The following ACO1 variants were observed in gnomAD, a reference collection of about 807,000 sequenced individuals.
ACO1 encodes aconitase 1, also known as cytoplasmic aconitate hydratase.
A neutral mutation model predicts 105.1 loss-of-function variants in ACO1; 78 were observed. The ratio of observed to expected loss-of-function variants is 0.74; its 90% CI spans 0.62 to 0.90. The LOEUF (loss-of-function observed/expected upper bound fraction) is 0.90, where lower values mean the gene tolerates loss of function less well. ACO1 is among the 40% of genes least tolerant of loss of function. ACO1 has a pLI of 0.00. For missense variants in ACO1, 965 were observed against 1,111.1 expected (o/e 0.87, Z 1.87); for synonymous variants, 364 against 397.4 (o/e 0.92, Z 1.00).
In ACO1 at chr9:32,388,360, C is replaced by G. The variant is rs1211346110; in HGVS notation, c.-23+3625C>G. ...CCTGGGCAACATGACAAAACCCCATCTCTACCAAAAATACAGAAAAAAATT... is the reference window on the plus strand; with the variant it reads ...CCTGGGCAACATGACAAAACCCCATGTCTACCAAAAATACAGAAAAAAATT... On this transcript the variant is annotated intron_variant, in intron 1 of 20. Transcript: ENST00000309951. Among the ~76,000 whole-genome samples, 3 of 152,126 alleles carry G rather than the reference C, an allele frequency of 2.0e-5. No individual in the cohort carries two copies. The East Asian group carries it at 5.8e-4, about 29-fold the overall frequency.
intron 3 of ACO1, 83 bp downstream of exon 3, chr9:32,407,512 C>T: frequency 7.9e-7 from 1 of 1,263,808 alleles, no homozygotes. Context: ...TGAAAACACT[C>T]TGCAATGACT....
rs748759131 is a variant in ACO1 at position 32,418,153 on chromosome 9, G to T, written c.430G>T (p.Asp144Tyr). The part of the protein sequence containing the change: ...RRADSLQKNQ[D>Y]LEFERNRERF... ...GGCAGACAGTTTACAGAAGAATCAA[G>T]ACCTGGAATTTGAAAGAAATAGAGA... Residue 144 changes from aspartate to tyrosine, a missense_variant, in exon 5 of 21, where the codon GAC becomes TAC. By Grantham distance (160) the Asp-to-Tyr change is radical. Coordinates refer to ENST00000309951, the MANE Select transcript of ACO1 (RefSeq NM_002197.3). 1 of 1,614,124 alleles carries T rather than the reference G, an allele frequency of 6.2e-7. No homozygotes were observed. The highest frequency in any genetic ancestry group is 8.5e-7 in the Non-Finnish European group (1 of 1,180,012).
chr9:32,386,434 G>C (rs1422395557), intron 1 of ACO1: 3 of 152,252 alleles, frequency 2.0e-5, no homozygotes, highest in Admixed American at 2.0e-4. Context: ...CCATCCTGGA[G>C]TGTGGTAGGT....
chr9:32,412,036 G>A (rs1189491720), intron 4 of ACO1, among the ~76,000 whole-genome samples: 1 of 152,064 alleles, frequency 6.6e-6, no homozygotes, highest in Admixed American at 6.6e-5. Flanking sequence ...ATTACATCTA[G>A]CTAATCTGGA....
At chr9:32,408,795 C>A in intron 4 of ACO1, 144 bp downstream of exon 4, 2 of 982,182 alleles carry the variant, frequency 2.0e-6, no homozygotes, top group Non-Finnish European at 1.4e-6. Flanking sequence ...ATACATTTCG[C>A]AGTAAAGATG....
At chr9:32,412,257 A>G (rs552784951) in intron 4 of ACO1, among the ~76,000 whole-genome samples, 1 of 152,352 alleles carries the variant, frequency 6.6e-6, no homozygotes, top group Admixed American at 6.5e-5. Flanking sequence ...TCAACGAGCG[A>G]GATGCTACAT....
intron 20 of ACO1, among the ~76,000 whole-genome samples, 199 bp from the exon 21 acceptor site, chr9:32,449,799 A>G (rs1241537971): frequency 1.3e-5 from 2 of 152,170 alleles, no homozygotes; most frequent in African/African-American, 4.8e-5. Context: ...TGGGCAAAGC[A>G]GCCTCCCAGA....
chr9:32,436,130 CT>C (rs754074466), intron 17 of ACO1, 119 bp from the exon 18 acceptor site: 1 of 1,348,072 alleles, frequency 7.4e-7, no homozygotes, highest in South Asian at 1.2e-5. Flanking sequence ...GCTTAGGAGA[CT>C]TAGAGAAATA....
At chr9:32,419,827 T>C (rs1821930648) in intron 7 of ACO1, among the ~76,000 whole-genome samples, 1 of 152,248 alleles carries the variant, frequency 6.6e-6, no homozygotes, top group Admixed American at 6.5e-5. Context: ...GATTTGCTTG[T>C]TTTGTAAAAA....
intron 1 of ACO1, among the ~76,000 whole-genome samples, chr9:32,400,438 G>C (rs1350291175): frequency 6.6e-6 from 1 of 152,144 alleles, no homozygotes; most frequent in Non-Finnish European, 1.5e-5. Flanking sequence ...GTGTGGCACT[G>C]TTCATCTAAG....
chr9:32,393,219 C>T (rs760913279), intron 1 of ACO1, among the ~76,000 whole-genome samples: 3 of 152,138 alleles, frequency 2.0e-5, no homozygotes, highest in African/African-American at 7.2e-5. Context: ...GGAGAAATAT[C>T]GCTGAATTGT....
chr9:32,387,544 CT>C (rs1353203064), intron 1 of ACO1, among the ~76,000 whole-genome samples: 5 of 152,084 alleles, frequency 3.3e-5, no homozygotes, highest in Non-Finnish European at 7.4e-5. Context: ...AGAAAACAGA[CT>C]CTTTAGCCTA....
chr9:32,417,272 C>T (rs1176763429), intron 4 of ACO1, among the ~76,000 whole-genome samples: 3 of 152,140 alleles, frequency 2.0e-5, no homozygotes, highest in Non-Finnish European at 4.4e-5. Context: ...GTTGCTGGTT[C>T]CTAGTAGTGT....
intron 1 of ACO1, among the ~76,000 whole-genome samples, chr9:32,400,437 T>C (rs1490603722): frequency 6.6e-6 from 1 of 152,176 alleles, no homozygotes; most frequent in Non-Finnish European, 1.5e-5. Context: ...GGTGTGGCAC[T>C]GTTCATCTAA....
At chr9:32,431,296 T>C (rs530753505) in intron 14 of ACO1, among the ~76,000 whole-genome samples, 1 of 152,350 alleles carries the variant, frequency 6.6e-6, no homozygotes, top group South Asian at 2.1e-4. Context: ...GATCCTTTTC[T>C]TGGTCTACGT....
rs901649578 is a variant in ACO1 at position 32,442,085 on chromosome 9, AT to A, written c.2370+1510del. On this transcript the variant is annotated intron_variant, in intron 19 of 20. Transcript: ENST00000309951. ...TCTCAAGTTTGGAAACACTTATGGG[AT>A]TTTTTTTTTTTAATACTTTAATACC... is the stretch of plus-strand genomic sequence containing the variant. Among the ~76,000 whole-genome samples, 562 of 146,650 alleles carry A rather than the reference AT, an allele frequency of 3.8e-3. 1 individual carries two copies. Among genetic ancestry groups the A allele is most frequent in the African/African-American group, 5.7e-3 (230 of 40,202 alleles).
chr9:32,407,209 G>A (rs368612458), intron 2 of ACO1, 52 bp from the exon 3 acceptor site: 62 of 1,560,818 alleles, frequency 4.0e-5, no homozygotes, highest in African/African-American at 1.9e-4. Flanking sequence ...CTTAAAGAGC[G>A]CTCTTAAGTT....
intron 13 of ACO1, among the ~76,000 whole-genome samples, 193 bp downstream of exon 13, chr9:32,429,696 C>A (rs1822183064): frequency 6.6e-6 from 1 of 152,246 alleles, no homozygotes; most frequent in Non-Finnish European, 1.5e-5. Flanking sequence ...CCTGGGTTTT[C>A]ACAACTGTAT....
At chr9:32,392,795 T>C (rs1275374863) in intron 1 of ACO1, among the ~76,000 whole-genome samples, 1 of 152,220 alleles carries the variant, frequency 6.6e-6, no homozygotes, top group Non-Finnish European at 1.5e-5. Context: ...AGAACATAAA[T>C]TGTGAAGATT....
Sources: allele counts gnomAD v4.1 joint callset (sites outside exome capture counted in the v4.1 genomes callset), GRCh38; gene constraint gnomAD v4.1.1; transcripts MANE v1.5; gene names NCBI Gene and HGNC (gene_info 2026-07-23, HGNC 2026-07-21).